Variants in PCDHGA1 observed in about 807,000 individuals in gnomAD.
The protein encoded by PCDHGA1 is protocadherin gamma-A1.
In PCDHGA1, 32 loss-of-function variants were observed where a neutral mutation model predicts 58.0. The observed-to-expected ratio is 0.55, with a 90% confidence interval of 0.42 to 0.74. PCDHGA1 has a LOEUF of 0.74. PCDHGA1 is among the 30% of genes least tolerant of loss of function. The pLI is 0.00. For synonymous variants in PCDHGA1, 498 were observed against 501.1 expected (o/e 0.99, Z 0.08); for missense variants, 1,205 against 1,182.3 (o/e 1.02, Z -0.28).
intron 1 of PCDHGA1, chr5:141,365,857 T>C: frequency 1.2e-6 from 2 of 1,614,066 alleles, no homozygotes; most frequent in Non-Finnish European, 1.7e-6. Context: ...CCATTAACTC[T>C]GACACCGGTG....
chr5:141,355,626 T>G, intron 1 of PCDHGA1: 1 of 1,614,004 alleles, frequency 6.2e-7, no homozygotes, highest in East Asian at 2.2e-5. Flanking sequence ...AAATAAAAGT[T>G]GCTGAAAATG....
chr5:141,343,482 A>C (rs779284836), intron 1 of PCDHGA1: 15 of 578,118 alleles, frequency 2.6e-5, no homozygotes, highest in Admixed American at 6.3e-5. Context: ...AGTGGTGGTC[A>C]TGTCTTTTAA....
At chr5:141,410,085 C>T (rs533911183) in intron 1 of PCDHGA1, 29 of 1,612,476 alleles carry the variant, frequency 1.8e-5, no homozygotes, top group South Asian at 1.1e-5. Flanking sequence ...GAGGTGCGCA[C>T]GGCTCGAGCC....
At chr5:141,372,535 G>A in intron 1 of PCDHGA1, 2 of 1,613,924 alleles carry the variant, frequency 1.2e-6, no homozygotes, top group Non-Finnish European at 1.7e-6. Flanking sequence ...ATCTCCCTGC[G>A]CCTGCGATGC....
At chr5:141,418,418 G>C (rs1366605966) in intron 1 of PCDHGA1, 1 of 1,613,998 alleles carries the variant, frequency 6.2e-7, no homozygotes, top group East Asian at 2.2e-5. Flanking sequence ...AGACAATCCT[G>C]ATGGTGGCAA....
intron 1 of PCDHGA1, chr5:141,414,308 T>C: frequency 6.2e-7 from 1 of 1,613,764 alleles, no homozygotes; most frequent in Non-Finnish European, 8.5e-7. Context: ...GTGCATGATT[T>C]AGACTCTGAG....
chr5:141,344,453 A>G, intron 1 of PCDHGA1: 1 of 1,613,800 alleles, frequency 6.2e-7, no homozygotes, highest in Non-Finnish European at 8.5e-7. Flanking sequence ...AATTGGAAAT[A>G]AAAATTGGTG....
intron 1 of PCDHGA1, chr5:141,371,767 C>A: frequency 6.2e-7 from 1 of 1,614,030 alleles, no homozygotes; most frequent in Non-Finnish European, 8.5e-7. Context: ...GCCTCCTACA[C>A]CGTGCATGTA....
chr5:141,427,710 G>T, intron 1 of PCDHGA1: 2 of 1,033,628 alleles, frequency 1.9e-6, no homozygotes, highest in South Asian at 2.6e-5. Context: ...CAGCGCCTCT[G>T]ACCTGGACCT....
chr5:141,373,163 A>G (rs1171278735), intron 1 of PCDHGA1, among the ~76,000 whole-genome samples: 1 of 152,252 alleles, frequency 6.6e-6, no homozygotes, highest in Non-Finnish European at 1.5e-5. Context: ...GTTTTAATGC[A>G]GTCAATCCTA....
intron 3 of PCDHGA1, among the ~76,000 whole-genome samples, chr5:141,505,793 GGACTTGGATC>G (rs2099848390): frequency 6.6e-6 from 1 of 152,142 alleles, no homozygotes; most frequent in Non-Finnish European, 1.5e-5. Flanking sequence ...ACTATCCTTG[GGACTTGGATC>G]GACTTGCTCA....
intron 1 of PCDHGA1, chr5:141,408,888 A>G: frequency 1.2e-6 from 2 of 1,613,352 alleles, no homozygotes; most frequent in Non-Finnish European, 1.7e-6. Context: ...GCTCACATAG[A>G]AATTTCTGTC....
chr5:141,394,653 C>T lies in PCDHGA1; in HGVS notation c.2421+61548C>T, dbSNP rs545273127. On this transcript the variant is annotated intron_variant, in intron 1 of 3. Coordinates refer to ENST00000517417, the MANE Select transcript of PCDHGA1 (RefSeq NM_018912.3). ...CTACCGCCTGCTCAAGGCCAGCGAG[C>T]CGGGACTCTTCTCGGTGGGTCTGCA... The T allele has an allele frequency of 9.9e-6, 16 of 1,613,348 alleles. No homozygotes were observed. The East Asian group carries it at 3.1e-4, about 31-fold the overall frequency.
At chr5:141,365,587 T>A in intron 1 of PCDHGA1, 1 of 1,613,686 alleles carries the variant, frequency 6.2e-7, no homozygotes, top group Non-Finnish European at 8.5e-7. Context: ...CAGATTATAA[T>A]ATCACTTTAA....
chr5:141,340,167 A>G (rs200323374), intron 1 of PCDHGA1: 1 of 1,614,148 alleles, frequency 6.2e-7, no homozygotes, highest in East Asian at 2.2e-5. Context: ...AAGTCAGTAG[A>G]CAATTACTAC....
intron 1 of PCDHGA1, chr5:141,383,669 T>C (rs1208890643): frequency 1.2e-6 from 2 of 1,613,784 alleles, no homozygotes; most frequent in Non-Finnish European, 1.7e-6. Flanking sequence ...AATGTGCCAG[T>C]GGGTACAAGA....
At position 141,457,041 on chromosome 5, in the gene PCDHGA1, A is replaced by T. The variant is rs151212070; in HGVS notation, c.2422-37766A>T. On this transcript the variant is annotated intron_variant, in intron 1 of 3. Transcript: ENST00000517417. ...AAGTCCTAGTAGACTCAGTGATAGT[A>T]AAACTTTCATGCTTCCTTTTTGCCA... 2.3e-4 allele frequency among the ~76,000 whole-genome samples: 35 copies of T among 152,360 alleles called. No individual in the cohort carries two copies. In the East Asian group the frequency reaches 6.4e-3, roughly 28 times the overall value.
chr5:141,430,048 A>G (rs2097258677), intron 1 of PCDHGA1, among the ~76,000 whole-genome samples: 1 of 152,222 alleles, frequency 6.6e-6, no homozygotes, highest in African/African-American at 2.4e-5. Flanking sequence ...AATGTATACA[A>G]TCACATATCA....
At chr5:141,430,827 T>A in intron 1 of PCDHGA1, 1 of 1,551,000 alleles carries the variant, frequency 6.4e-7, no homozygotes, top group South Asian at 1.3e-5. Flanking sequence ...CTGGGGACTC[T>A]GTGGGAGACC....
Sources: gnomAD v4.1 joint callset for allele counts (sites outside exome capture counted in the v4.1 genomes callset) on GRCh38, gnomAD v4.1.1 for gene constraint, MANE v1.5 for transcripts, NCBI Gene and HGNC (gene_info 2026-07-23, HGNC 2026-07-21) for gene names.